CELA3A: variants seen among roughly 807,000 people sequenced by gnomAD.
CELA3A encodes the protein chymotrypsin like elastase 3A.
CELA3A carries 35 observed loss-of-function variants against 38.6 expected under a neutral mutation model. That is an observed-to-expected ratio of 0.91 (90% CI 0.69 to 1.20). The LOEUF is 1.20. Ranked by LOEUF, CELA3A falls within the 50% of genes most tolerant of loss-of-function variation. The pLI, the probability that CELA3A is intolerant of heterozygous loss-of-function variation, is 0.00. For synonymous variants in CELA3A, 143 were observed against 136.7 expected (o/e 1.05, Z -0.32); for missense variants, 343 against 354.2 (o/e 0.97, Z 0.25).
At position 22,007,504 on chromosome 1, in the gene CELA3A, T is replaced by G. The variant is rs541148765; in HGVS notation, c.631T>G (p.Ser211Ala). 3 of 1,610,020 alleles carry G rather than the reference T, an allele frequency of 1.9e-6. No homozygotes were observed. The highest frequency in any genetic ancestry group is 3.4e-4 in the Middle Eastern group (2 of 5,930). The change falls in exon 6 of 8, where the codon TCC becomes GCC. Residue 211 changes from serine to alanine, a missense_variant. Coordinates refer to ENST00000290122, the MANE Select transcript of CELA3A (RefSeq NM_005747.5). ...TMVCAGGYIR[S>A]GCNGDSGGPL... is the part of the protein sequence containing the mutation. The stretch of plus-strand genomic sequence containing the variant: ...GGTGTGTGCTGGAGGGTACATCCGC[T>G]CCGGCTGCAACGTGAGTCAGCTCTT...
chr1:22,005,329 C>G (rs59210655), intron 2 of CELA3A, 118 bp from the exon 3 acceptor site: 2 of 1,002,030 alleles, frequency 2.0e-6, no homozygotes, highest in South Asian at 1.5e-5. Context: ...TGGGTGCTCT[C>G]GTTTTCCATG....
rs1310023624 is a variant in CELA3A at position 22,011,694 on chromosome 1, A to G, written c.796-756A>G. 2.4e-5 allele frequency among the ~76,000 whole-genome samples: 3 copies of G among 123,574 alleles called. 1 individual carries two copies. The highest frequency in any genetic ancestry group is 4.9e-5 in the Non-Finnish European group (3 of 60,838). 81.1% of individuals were successfully genotyped at this position (123,574 alleles called of 152,430 possible). A position where few individuals can be genotyped will look rare whatever the true frequency, so the allele number is the denominator to read the frequency against. The stretch of plus-strand genomic sequence containing the variant: ...AGAATTGCTCGAACTCAGGAGGCAG[A>G]GGTTGCAGTAAGCTGAGATTGTGCC... On this transcript the variant is annotated intron_variant, in intron 7 of 7. Transcript: ENST00000290122.
Position 22,003,062 on chromosome 1 carries a change from G to C in CELA3A, c.103G>C (p.Ala35Pro). The change falls in exon 2 of 8, where the codon GCG (alanine) becomes CCG (proline). Residue 35 changes from alanine to proline, a missense_variant. Coordinates refer to ENST00000290122, the MANE Select transcript of CELA3A (RefSeq NM_005747.5). ...CAGCCGCGTTGTCCATGGTGAGGATGCGGTCCCCTACAGCTGGCCCTGGCA... is the reference window on the plus strand; with the variant it reads ...CAGCCGCGTTGTCCATGGTGAGGATCCGGTCCCCTACAGCTGGCCCTGGCA... ...SSSRVVHGED[A>P]VPYSWPWQVS... The C allele has an allele frequency of 6.3e-7, 1 of 1,575,374 alleles. No homozygotes were observed. Among genetic ancestry groups the C allele is most frequent in the Non-Finnish European group, 8.6e-7 (1 of 1,167,714 alleles).
In CELA3A at chr1:22,007,026, C is replaced by T. The variant is rs1336172444; in HGVS notation, c.499+12C>T. 6 of 1,611,058 alleles carry T rather than the reference C, an allele frequency of 3.7e-6. No homozygotes were observed. Among genetic ancestry groups the T allele is most frequent in the Non-Finnish European group, 5.1e-6 (6 of 1,178,572 alleles). ...GGGCCGTCTCTATAGTACGTGCTGA[C>T]TTCTCTAGCTGGCCACAGAGACAGT... On this transcript the variant is annotated intron_variant, in intron 5 of 7. Coordinates refer to ENST00000290122, the MANE Select transcript of CELA3A (RefSeq NM_005747.5).
chr1:22,004,694 A>T (rs1490864208), intron 2 of CELA3A, among the ~76,000 whole-genome samples: 1 of 151,764 alleles, frequency 6.6e-6, no homozygotes, highest in African/African-American at 2.4e-5. Flanking sequence ...CCTGGTCTAG[A>T]TGGAGCTTTT....
intron 5 of CELA3A, 84 bp from the exon 6 acceptor site, chr1:22,007,289 C>T (rs1644956510): frequency 6.6e-7 from 1 of 1,517,368 alleles, no homozygotes; most frequent in African/African-American, 1.4e-5. Flanking sequence ...GGCAGAAGAA[C>T]TGTGGGCCTT....
rs780794710 is a variant in CELA3A at position 22,003,015 on chromosome 1, G to T, written c.56G>T (p.Gly19Val). 6.3e-7 allele frequency: 1 copy of T among 1,575,728 alleles called. No homozygotes were observed. The highest frequency in any genetic ancestry group is 2.4e-5 in the East Asian group (1 of 41,766). The change falls in exon 2 of 8, where the codon GGC becomes GTC. Residue 19 changes from glycine (G) to valine (V), a missense_variant. Gly to Val is a moderately radical substitution (Grantham distance 109). Coordinates refer to ENST00000290122, the MANE Select transcript of CELA3A (RefSeq NM_005747.5). ...CTCTCCCCTCTAGCCTCAGGCTATG[G>T]CCCACCTTCCTCTCACTCTTCCAGC... ...LLLVAVASGY[G>V]PPSSHSSSRV... is the part of the protein sequence containing the mutation.
intron 5 of CELA3A, 72 bp downstream of exon 5, chr1:22,007,086 A>C: frequency 6.3e-7 from 1 of 1,578,302 alleles, no homozygotes; most frequent in Non-Finnish European, 8.6e-7. Context: ...TGCAGGTTGA[A>C]GGTAACACCA....
At chr1:22,002,361 A>AT (rs138381119) in intron 1 of CELA3A, among the ~76,000 whole-genome samples, 1,880 of 150,862 alleles carry the variant, frequency 0.012, 121 homozygotes, top group African/African-American at 0.043. Flanking sequence ...TAATGTTTTT[A>AT]TTTTTTGCTT....
At chr1:22,006,316 G>T (rs896139901) in intron 4 of CELA3A, among the ~76,000 whole-genome samples, 1 of 151,396 alleles carries the variant, frequency 6.6e-6, no homozygotes, top group Admixed American at 6.6e-5. Context: ...CTTCCTGGGT[G>T]GTGTGAAGGC....
At chr1:22,011,237 C>T (rs567496586) in intron 7 of CELA3A, 32 of 149,756 alleles carry the variant, frequency 2.1e-4, no homozygotes, top group African/African-American at 6.2e-4. Context: ...AAAAATTAGC[C>T]GGGCGTATTG....
At chr1:22,005,384 C>T in intron 2 of CELA3A, 63 bp from the exon 3 acceptor site, 1 of 1,584,956 alleles carries the variant, frequency 6.3e-7, no homozygotes, top group Non-Finnish European at 8.6e-7. Flanking sequence ...CCTATACAGC[C>T]ATTGGTGGCA....
chr1:22,001,717 G>A lies in CELA3A; in HGVS notation c.43G>A (p.Ala15Thr). Residue 15 changes from alanine (A) to threonine (T), a missense_variant and splice_region_variant, in exon 1 of 8, where the codon GCC becomes ACC. By Grantham distance (58) the Ala-to-Thr change is moderately conservative (BLOSUM62 0). Coordinates refer to ENST00000290122, the MANE Select transcript of CELA3A (RefSeq NM_005747.5). Reference sequence around the variant, plus strand: ...CAGTTCCCTCCTCCTTGTGGCCGTTGGTAAGACCCCAACCTGTCTGTGTGC... The same window carrying A: ...CAGTTCCCTCCTCCTTGTGGCCGTTAGTAAGACCCCAACCTGTCTGTGTGC... Reference protein sequence around the residue: ...LLSSLLLVAVASGYGPPSSHS... With the variant: ...LLSSLLLVAVTSGYGPPSSHS... The A allele has an allele frequency of 1.2e-6, 2 of 1,612,220 alleles. No homozygotes were observed. Among genetic ancestry groups the A allele is most frequent in the Non-Finnish European group, 1.7e-6 (2 of 1,179,390 alleles).
In CELA3A at chr1:22,009,574, T is replaced by TA. The variant is rs5772979; in HGVS notation, c.643-124dup. 9.4e-3 allele frequency: 10,979 copies of TA among 1,170,484 alleles called. 230 individuals carry two copies. The highest frequency in any genetic ancestry group is 0.047 in the East Asian group (1,630 of 34,740). The allele number at this position is 1,170,484 out of a possible 1,614,324, so 72.5% of individuals were successfully genotyped here. On this transcript the variant is annotated intron_variant, in intron 6 of 7. Transcript: ENST00000290122. ...CTAAAAAAATAAAAATAATAAATGATAAAAAAATGAGCGAGCTAAGGCTCA... is the reference window on the plus strand; with the variant it reads ...CTAAAAAAATAAAAATAATAAATGATAAAAAAAATGAGCGAGCTAAGGCTCA...
chr1:22,008,477 A>G (rs1227980346), intron 6 of CELA3A, among the ~76,000 whole-genome samples: 2 of 150,970 alleles, frequency 1.3e-5, no homozygotes, highest in Admixed American at 1.3e-4. Context: ...AAAAAAACAA[A>G]GGCTGGGCGC....
chr1:22,003,809 A>G (rs868452997), intron 2 of CELA3A, among the ~76,000 whole-genome samples: 6 of 150,898 alleles, frequency 4.0e-5, no homozygotes, highest in African/African-American at 7.4e-5. Flanking sequence ...GGGTTCAAGC[A>G]ATTCTCCTAC....
chr1:22,006,165 C>G (rs1280059593), intron 4 of CELA3A: 1 of 249,020 alleles, frequency 4.0e-6, no homozygotes, highest in Non-Finnish European at 7.9e-6. Flanking sequence ...GCATCCTGGG[C>G]TCCCAGCACT....
intron 1 of CELA3A, 90 bp downstream of exon 1, chr1:22,001,807 CTAT>C: frequency 6.4e-7 from 1 of 1,552,870 alleles, no homozygotes; most frequent in Non-Finnish European, 8.9e-7. Flanking sequence ...CCATGACATG[CTAT>C]GCCTGGTTCC....
intron 6 of CELA3A, among the ~76,000 whole-genome samples, chr1:22,008,262 A>G (rs538770305): frequency 6.8e-6 from 1 of 147,484 alleles, no homozygotes; most frequent in Non-Finnish European, 1.5e-5. Context: ...GCAACCCTCC[A>G]ATGTCAGCCT....
Sources: allele counts gnomAD v4.1 joint callset (sites outside exome capture counted in the v4.1 genomes callset), GRCh38; gene constraint gnomAD v4.1.1; transcripts MANE v1.5; gene names NCBI Gene and HGNC (gene_info 2026-07-23, HGNC 2026-07-21).